Variants in MGAT4C observed in about 807,000 individuals in gnomAD.
MGAT4C encodes MGAT4 family member C.
A neutral mutation model predicts 40.1 loss-of-function variants in MGAT4C; 19 were observed. That is an observed-to-expected ratio of 0.47 (90% CI 0.33 to 0.70). The LOEUF (loss-of-function observed/expected upper bound fraction) is 0.70. Ranked by LOEUF, MGAT4C falls within the 30% of genes least tolerant of loss-of-function variation. The pLI is 0.02. For missense variants in MGAT4C, 491 were observed against 563.2 expected (o/e 0.87, Z 1.30); for synonymous variants, 181 against 187.1 (o/e 0.97, Z 0.27).
At chr12:86,607,742 A>G (rs983721695) in intron 2 of MGAT4C, among the ~76,000 whole-genome samples, 1 of 152,174 alleles carries the variant, frequency 6.6e-6, no homozygotes, top group African/African-American at 2.4e-5. Context: ...ATTTGACATG[A>G]TCTATCATTT....
intron 1 of MGAT4C, among the ~76,000 whole-genome samples, chr12:86,254,872 C>A (rs1952452392): frequency 6.6e-6 from 1 of 151,960 alleles, no homozygotes; most frequent in Non-Finnish European, 1.5e-5. Context: ...TTTGTTCAGA[C>A]CTGAATGGAC....
chr12:86,024,337 A>G (rs1486884897), intron 2 of MGAT4C, among the ~76,000 whole-genome samples: 2 of 151,672 alleles, frequency 1.3e-5, no homozygotes, highest in Non-Finnish European at 1.5e-5. Flanking sequence ...TTATATTTGG[A>G]ACAATGCATT....
At chr12:86,315,534 C>A (rs1374155156) in intron 4 of MGAT4C, among the ~76,000 whole-genome samples, 1 of 96,482 alleles carries the variant, frequency 1.0e-5, no homozygotes, top group East Asian at 3.6e-4. Context: ...AACCCCGTCT[C>A]TACTAAAAAT....
chr12:86,180,912 A>G (rs2201282), intron 1 of MGAT4C, among the ~76,000 whole-genome samples: 35,312 of 152,008 alleles, frequency 0.23, 5,063 homozygotes, highest in African/African-American at 0.4. Context: ...TTTCAAATGT[A>G]AGGACATGAG....
At chr12:86,609,739 T>G (rs1458327801) in intron 2 of MGAT4C, among the ~76,000 whole-genome samples, 1 of 152,042 alleles carries the variant, frequency 6.6e-6, no homozygotes, top group Non-Finnish European at 1.5e-5. Flanking sequence ...AAGATTTTTT[T>G]TTTTGAGAAA....
chr12:86,149,292 C>T (rs1214218877), intron 1 of MGAT4C, among the ~76,000 whole-genome samples: 1 of 151,950 alleles, frequency 6.6e-6, no homozygotes, highest in Non-Finnish European at 1.5e-5. Flanking sequence ...GCAAAAAAAG[C>T]TATTCCCTCT....
intron 1 of MGAT4C, among the ~76,000 whole-genome samples, chr12:86,779,895 A>T (rs1176551670): frequency 6.6e-6 from 1 of 152,024 alleles, no homozygotes; most frequent in Admixed American, 6.6e-5. Context: ...CCTGGGTGAC[A>T]GTGTGAGACT....
rs1161437874 is a variant in MGAT4C, at chr12:85,979,465, T to G, written c.1261A>C (p.Lys421Gln). ...TAAGTAGAACATTGTCTCCTTTGTTTGCTAGGCATAACGTTTTCCCCAACA... is the reference window on the plus strand; with the variant it reads ...TAAGTAGAACATTGTCTCCTTTGTTGGCTAGGCATAACGTTTTCCCCAACA... ...LDVGENVMPS[K>Q]QRRQCSTYLR... The change falls in exon 5 of 5, where the codon AAA (lysine) becomes CAA (glutamine). Residue 421 changes from lysine to glutamine, a missense_variant. Coordinates refer to ENST00000611864, the MANE Select transcript of MGAT4C (RefSeq NM_001351288.2). 1.2e-6 allele frequency: 2 copies of G among 1,613,518 alleles called. No homozygotes were observed. Among genetic ancestry groups the G allele is most frequent in the South Asian group, 1.1e-5 (1 of 91,072 alleles).
chr12:86,643,483 C>T (rs1016452769), intron 2 of MGAT4C, among the ~76,000 whole-genome samples: 17 of 151,784 alleles, frequency 1.1e-4, no homozygotes, highest in African/African-American at 4.1e-4. Context: ...TGTGACATAC[C>T]CACTCATAGG....
intron 2 of MGAT4C, among the ~76,000 whole-genome samples, chr12:86,675,135 G>A (rs559025614): frequency 6.6e-6 from 1 of 152,144 alleles, no homozygotes; most frequent in South Asian, 2.1e-4. Context: ...AGGTTTTAAT[G>A]CTAGCCTAGT....
At chr12:86,490,490 C>T (rs190098435) in intron 2 of MGAT4C, among the ~76,000 whole-genome samples, 11 of 152,078 alleles carry the variant, frequency 7.2e-5, no homozygotes, top group Admixed American at 3.9e-4. Flanking sequence ...TAAAGACCAT[C>T]GAGACTAGGA....
At chr12:85,996,749 A>C (rs901756634) in intron 2 of MGAT4C, among the ~76,000 whole-genome samples, 1 of 152,214 alleles carries the variant, frequency 6.6e-6, no homozygotes, top group Non-Finnish European at 1.5e-5. Flanking sequence ...TACCTAAACA[A>C]AACTGACATA....
intron 2 of MGAT4C, among the ~76,000 whole-genome samples, chr12:86,696,053 T>A (rs1322315723): frequency 6.6e-6 from 1 of 151,496 alleles, no homozygotes; most frequent in East Asian, 1.9e-4. Flanking sequence ...CTACTAAAAA[T>A]ACAAAAAAAT....
In MGAT4C at chr12:85,959,137, A is replaced by G. The variant is rs953357725; in HGVS notation, c.*20152T>C. On this transcript the variant is annotated 3_prime_UTR_variant, in exon 5 of 5. Transcript: ENST00000611864. ...ATTTTACCTTCAAGTTCTACCTGAT[A>G]AAGTGGTGGAATAAAGATGGTATTT... The G allele has an allele frequency of 2.0e-5, 3 of 152,096 alleles. No homozygotes were observed. The highest frequency in any genetic ancestry group is 7.2e-5 in the African/African-American group (3 of 41,442). 9.4% of individuals were successfully genotyped at this position (152,096 alleles called of 1,614,324 possible).
At chr12:86,362,659 C>T (rs112690982) in intron 3 of MGAT4C, among the ~76,000 whole-genome samples, 1 of 151,558 alleles carries the variant, frequency 6.6e-6, no homozygotes, top group African/African-American at 2.4e-5. Flanking sequence ...GAGGTCAGAT[C>T]GAGACCATCC....
At chr12:86,428,980 T>G (rs1956982495) in intron 3 of MGAT4C, among the ~76,000 whole-genome samples, 1 of 152,128 alleles carries the variant, frequency 6.6e-6, no homozygotes, top group Non-Finnish European at 1.5e-5. Flanking sequence ...TTTATTATTT[T>G]TTCCCATGTG....
chr12:86,779,815 A>G (rs1023838732), intron 1 of MGAT4C, among the ~76,000 whole-genome samples: 2 of 152,070 alleles, frequency 1.3e-5, no homozygotes, highest in Admixed American at 6.6e-5. Flanking sequence ...CAGGAGGCTG[A>G]GGCAGGAGAA....
chr12:86,164,473 C>A (rs987791515), intron 1 of MGAT4C, among the ~76,000 whole-genome samples: 4 of 152,116 alleles, frequency 2.6e-5, no homozygotes, highest in Non-Finnish European at 4.4e-5. Flanking sequence ...CAAAGTTGAG[C>A]AATAACACGT....
chr12:86,500,087 T>C (rs1462290723), intron 2 of MGAT4C, among the ~76,000 whole-genome samples: 1 of 151,298 alleles, frequency 6.6e-6, no homozygotes, highest in Non-Finnish European at 1.5e-5. Context: ...GCATCGGAAA[T>C]GAAAAAAAAA....
Sources: gnomAD v4.1 joint callset for allele counts (sites outside exome capture counted in the v4.1 genomes callset) on GRCh38, gnomAD v4.1.1 for gene constraint, MANE v1.5 for transcripts, NCBI Gene and HGNC (gene_info 2026-07-23, HGNC 2026-07-21) for gene names.